Variants in CNTNAP5 observed in about 807,000 individuals in gnomAD.
CNTNAP5 encodes contactin associated protein family member 5.
CNTNAP5 carries 72 observed loss-of-function variants against 150.2 expected under a neutral mutation model. That is an observed-to-expected ratio of 0.48 (90% CI 0.40 to 0.58). The LOEUF (loss-of-function observed/expected upper bound fraction) is 0.58, where lower values mean the gene tolerates loss of function less well. Among genes scored for constraint, CNTNAP5 ranks in the 20% least tolerant of loss-of-function variants. The pLI is 0.00. For synonymous variants in CNTNAP5, 672 were observed against 619.8 expected (o/e 1.08, Z -1.25); for missense variants, 1,636 against 1,626.2 (o/e 1.01, Z -0.10).
intron 3 of CNTNAP5, among the ~76,000 whole-genome samples, chr2:124,350,091 C>T (rs1381494467): frequency 6.6e-6 from 1 of 151,806 alleles, no homozygotes; most frequent in Non-Finnish European, 1.5e-5. Flanking sequence ...ACCATTTTGA[C>T]CAGGATGGTC....
chr2:124,132,302 T>C (rs1573777864), intron 1 of CNTNAP5, among the ~76,000 whole-genome samples: 2 of 152,134 alleles, frequency 1.3e-5, no homozygotes, highest in Non-Finnish European at 2.9e-5. Context: ...CCAAATCCTT[T>C]TGTTGGCTTC....
In CNTNAP5 at chr2:124,231,687, C is replaced by A. The variant is rs140765177; in HGVS notation, c.187+9878C>A. Among the ~76,000 whole-genome samples, 358 of 152,238 alleles carry A rather than the reference C, an allele frequency of 2.4e-3. 2 individuals carry two copies. The highest frequency in any genetic ancestry group is 0.017 in the Middle Eastern group (5 of 294). ...CTAATATGCCTGAGGGAAAAACTAACCTTGACCTGGATATTTAAACAATGC... is the reference window on the plus strand; with the variant it reads ...CTAATATGCCTGAGGGAAAAACTAAACTTGACCTGGATATTTAAACAATGC... On this transcript the variant is annotated intron_variant, in intron 2 of 23. Transcript: ENST00000682447.
chr2:124,411,597 C>A (rs1691765872), intron 3 of CNTNAP5, among the ~76,000 whole-genome samples: 1 of 130,028 alleles, frequency 7.7e-6, no homozygotes. Context: ...TAAATGTAAT[C>A]CAGCATATAA....
chr2:124,295,357 T>A lies in CNTNAP5; in HGVS notation c.381+52964T>A, dbSNP rs556745060. On this transcript the variant is annotated intron_variant, in intron 3 of 23. Transcript: ENST00000682447. ...GGTGTACAGAGGCCTACCAGGTAGA[T>A]ACCTCAGTTTCAGCCTTGTATGCTC... is the stretch of plus-strand genomic sequence containing the variant. Among the ~76,000 whole-genome samples the A allele has an allele frequency of 6.6e-5, 10 of 152,336 alleles. No homozygotes were observed. The South Asian group carries it at 2.1e-3, about 32-fold the overall frequency.
chr2:124,318,852 C>T (rs1275389775), intron 3 of CNTNAP5, among the ~76,000 whole-genome samples: 1 of 152,098 alleles, frequency 6.6e-6, no homozygotes, highest in African/African-American at 2.4e-5. Context: ...CTCTCCAGTC[C>T]CCCTGCCCAC....
At chr2:124,811,464 TAAAAG>T (rs1558785157) in intron 19 of CNTNAP5, among the ~76,000 whole-genome samples, 1 of 152,142 alleles carries the variant, frequency 6.6e-6, no homozygotes, top group Admixed American at 6.6e-5. Context: ...ACAGTTTTGT[TAAAAG>T]AAAATTAGTT....
chr2:124,445,661 C>T (rs2420856), intron 5 of CNTNAP5, among the ~76,000 whole-genome samples: 83,650 of 151,860 alleles, frequency 0.55, 23,140 homozygotes, highest in Middle Eastern at 0.66. Flanking sequence ...GAGCAGCCTT[C>T]GGGGAAGTGG....
intron 21 of CNTNAP5, among the ~76,000 whole-genome samples, chr2:124,884,571 C>T (rs1295071539): frequency 6.6e-6 from 1 of 151,868 alleles, no homozygotes; most frequent in Non-Finnish European, 1.5e-5. Flanking sequence ...TAGGGCTGGG[C>T]CTTTAGTTAG....
At chr2:124,047,482 C>G (rs1681569523) in intron 1 of CNTNAP5, among the ~76,000 whole-genome samples, 1 of 152,244 alleles carries the variant, frequency 6.6e-6, no homozygotes, top group Non-Finnish European at 1.5e-5. Context: ...TTCAACATCA[C>G]TTCACATGAC....
chr2:124,816,714 G>A (rs949264999), intron 19 of CNTNAP5, among the ~76,000 whole-genome samples: 4 of 151,912 alleles, frequency 2.6e-5, no homozygotes, highest in African/African-American at 7.3e-5. Context: ...CTGACCTCAG[G>A]TGATCCACCC....
intron 6 of CNTNAP5, among the ~76,000 whole-genome samples, chr2:124,473,969 G>A (rs1375777921): frequency 6.6e-6 from 1 of 151,826 alleles, no homozygotes; most frequent in Non-Finnish European, 1.5e-5. Context: ...ATGTAATTGC[G>A]GTTTTTGCCA....
intron 21 of CNTNAP5, among the ~76,000 whole-genome samples, chr2:124,896,186 C>T (rs776698710): frequency 6.6e-6 from 1 of 151,276 alleles, no homozygotes; most frequent in Non-Finnish European, 1.5e-5. Flanking sequence ...TCAAAGAGAG[C>T]GTTCTGGATA....
At chr2:124,801,581 CAA>C (rs778139039) in intron 19 of CNTNAP5, among the ~76,000 whole-genome samples, 47 of 152,070 alleles carry the variant, frequency 3.1e-4, no homozygotes, top group Non-Finnish European at 6.0e-4. Context: ...AGTTTCTTCC[CAA>C]GTCTTAGATT....
intron 1 of CNTNAP5, among the ~76,000 whole-genome samples, chr2:124,075,242 AACTTACT>A: frequency 6.6e-6 from 1 of 152,186 alleles, no homozygotes; most frequent in South Asian, 2.1e-4. Flanking sequence ...TTTGTCATAC[AACTTACT>A]ACACAAAGCA....
In CNTNAP5 at chr2:124,450,950, G is replaced by A. The variant is rs1431555769; in HGVS notation, c.918+4013G>A. Among the ~76,000 whole-genome samples, 7 of 145,448 alleles carry A rather than the reference G, an allele frequency of 4.8e-5. No individual in the cohort carries two copies. In the East Asian group the frequency reaches 1.5e-3, roughly 31 times the overall value. ...GGAGGCTGAGGAGGGAGGATGGCTT[G>A]AGCCCAGTTTGAGGCTGCAGTGAGC... is the stretch of plus-strand genomic sequence containing the variant. On this transcript the variant is annotated intron_variant, in intron 6 of 23. Transcript: ENST00000682447.
chr2:124,334,274 A>C, intron 3 of CNTNAP5, among the ~76,000 whole-genome samples: 1 of 152,166 alleles, frequency 6.6e-6, no homozygotes, highest in Non-Finnish European at 1.5e-5. Context: ...AGGAGGTAGA[A>C]GCTTTAAGAA....
At chr2:124,581,367 T>G (rs2104949195) in intron 11 of CNTNAP5, among the ~76,000 whole-genome samples, 1 of 152,334 alleles carries the variant, frequency 6.6e-6, no homozygotes, top group Middle Eastern at 3.4e-3. Flanking sequence ...TCCTCATTTT[T>G]CTTTCTTTAA....
chr2:124,196,934 A>G (rs769678357), intron 1 of CNTNAP5, among the ~76,000 whole-genome samples: 57 of 152,342 alleles, frequency 3.7e-4, no homozygotes, highest in Non-Finnish European at 7.2e-4. Flanking sequence ...CACCTTCTGC[A>G]AAACCTCTAA....
At chr2:124,879,649 T>G (rs1377669768) in intron 21 of CNTNAP5, among the ~76,000 whole-genome samples, 1 of 152,154 alleles carries the variant, frequency 6.6e-6, no homozygotes, top group African/African-American at 2.4e-5. Context: ...TTTATTTATT[T>G]GTTTTGAAGA....
Sources: gnomAD v4.1 joint callset for allele counts (sites outside exome capture counted in the v4.1 genomes callset) on GRCh38, gnomAD v4.1.1 for gene constraint, MANE v1.5 for transcripts, NCBI Gene and HGNC (gene_info 2026-07-23, HGNC 2026-07-21) for gene names.